The following PTPRG variants were observed in gnomAD, a reference collection of about 807,000 sequenced individuals.
PTPRG encodes the protein protein tyrosine phosphatase receptor type G, also known as receptor-type tyrosine-protein phosphatase gamma.
A neutral mutation model predicts 165.3 loss-of-function variants in PTPRG; 102 were observed. The observed-to-expected ratio is 0.62, with a 90% CI of 0.53 to 0.73. PTPRG has a LOEUF of 0.73. PTPRG is among the 30% of genes least tolerant of loss of function. The pLI is 0.00. For missense variants in PTPRG, 1,866 were observed against 1,861.4 expected, an observed-to-expected ratio of 1.00 and a Z score of -0.05; for synonymous variants, 675 against 669.5, an observed-to-expected ratio of 1.01 and a Z score of -0.13.
At position 62,213,186 on chromosome 3, in the gene PTPRG, G is replaced by C. The variant is rs183928390; in HGVS notation, c.2156-5665G>C. Among the ~76,000 whole-genome samples the C allele has an allele frequency of 1.3e-4, 20 of 152,286 alleles. No homozygotes were observed. Among genetic ancestry groups the C allele is most frequent in the Non-Finnish European group, 2.6e-4 (18 of 68,024 alleles). ...AGCATCTAGTGTTACTAAACTGTCA[G>C]AATTGTTGTTTGGCTCCATTGAAGG... On this transcript the variant is annotated intron_variant, in intron 12 of 29. Coordinates refer to ENST00000474889, the MANE Select transcript of PTPRG (RefSeq NM_002841.4). This position sits in a 1 kb window ranked among gnomAD's most constrained non-coding sequence, Gnocchi z 4.4.
intron 19 of PTPRG, among the ~76,000 whole-genome samples, chr3:62,268,615 A>G (rs114663879): frequency 4.1e-4 from 63 of 152,278 alleles, no homozygotes; most frequent in African/African-American, 1.3e-3. Flanking sequence ...CCAAGTTACA[A>G]TAAGAAGAGT....
At chr3:61,742,495 T>C (rs1051686846) in intron 1 of PTPRG, 4 of 1,596,892 alleles carry the variant, frequency 2.5e-6, no homozygotes, top group African/African-American at 1.3e-5. Flanking sequence ...GCTCTCGATA[T>C]ATAAGGCCCG....
chr3:61,658,262 T>G (rs1250533200), intron 1 of PTPRG, among the ~76,000 whole-genome samples: 4 of 152,214 alleles, frequency 2.6e-5, no homozygotes, highest in African/African-American at 7.2e-5. Flanking sequence ...GATTCAGGAC[T>G]GGTCACACTG....
At position 62,213,164 on chromosome 3, in the gene PTPRG, A is replaced by G. The variant is rs1700407177; in HGVS notation, c.2156-5687A>G. On this transcript the variant is annotated intron_variant, in intron 12 of 29. Transcript: ENST00000474889. This position sits in a 1 kb window ranked among gnomAD's most constrained non-coding sequence, Gnocchi z 4.4. ...TGTGCTGCTCCTGACAGAGGGGAGC[A>G]TCTAGTGTTACTAAACTGTCAGAAT... 6.6e-6 allele frequency among the ~76,000 whole-genome samples: 1 copy of G among 152,226 alleles called. No individual in the cohort carries two copies. Among genetic ancestry groups the G allele is most frequent in the African/African-American group, 2.4e-5 (1 of 41,468 alleles).
chr3:61,786,459 G>A (rs1324266397), intron 2 of PTPRG, among the ~76,000 whole-genome samples: 3 of 152,102 alleles, frequency 2.0e-5, no homozygotes, highest in Non-Finnish European at 4.4e-5. Flanking sequence ...GCTAGTTATG[G>A]TTCTTTATCT....
intron 5 of PTPRG, among the ~76,000 whole-genome samples, chr3:62,101,031 T>C (rs560891216): frequency 6.6e-6 from 1 of 152,332 alleles, no homozygotes; most frequent in African/African-American, 2.4e-5. Context: ...AGAATCTCTT[T>C]CTTCTAGAAA....
intron 5 of PTPRG, among the ~76,000 whole-genome samples, chr3:62,109,593 G>A (rs377227472): frequency 6.6e-6 from 1 of 152,042 alleles, no homozygotes; most frequent in East Asian, 1.9e-4. Flanking sequence ...TTAATAGCTG[G>A]TGCAGCAGTG....
intron 4 of PTPRG, among the ~76,000 whole-genome samples, chr3:62,014,969 C>T (rs534544310): frequency 3.8e-4 from 58 of 152,296 alleles, no homozygotes; most frequent in Non-Finnish European, 7.5e-4. Flanking sequence ...GAGACATATT[C>T]TAGGGCTAAC....
At chr3:61,619,951 A>G (rs923769868) in intron 1 of PTPRG, among the ~76,000 whole-genome samples, 1 of 152,186 alleles carries the variant, frequency 6.6e-6, no homozygotes, top group African/African-American at 2.4e-5. Flanking sequence ...TCTTAATAAA[A>G]CACATCACAC....
intron 5 of PTPRG, among the ~76,000 whole-genome samples, chr3:62,119,444 G>T (rs949270170): frequency 1.3e-5 from 2 of 152,190 alleles, no homozygotes; most frequent in Non-Finnish European, 2.9e-5. Context: ...GAACAATGCG[G>T]GCAAAGGCCT....
chr3:61,955,494 G>C (rs2040008550), intron 2 of PTPRG, among the ~76,000 whole-genome samples: 1 of 152,150 alleles, frequency 6.6e-6, no homozygotes, highest in African/African-American at 2.4e-5. Flanking sequence ...AAATGTATGT[G>C]AATTAGGCTC....
intron 1 of PTPRG, among the ~76,000 whole-genome samples, chr3:61,733,469 C>G (rs1402253132): frequency 2.6e-5 from 3 of 117,262 alleles, no homozygotes; most frequent in Non-Finnish European, 5.2e-5. Flanking sequence ...AGCATTTATC[C>G]CAGAAAGCTC....
chr3:62,260,110 C>T (rs1234573390), intron 16 of PTPRG, among the ~76,000 whole-genome samples: 2 of 152,104 alleles, frequency 1.3e-5, no homozygotes, highest in East Asian at 1.9e-4. Context: ...GTTCTGTGTC[C>T]GACACTGTAC....
At chr3:62,124,210 A>G in intron 5 of PTPRG, 1 of 951,368 alleles carries the variant, frequency 1.1e-6, no homozygotes, top group East Asian at 2.4e-5. Context: ...TTATTCAGCC[A>G]CACAGTGCTT....
At chr3:62,099,902 G>A (rs1301024563) in intron 5 of PTPRG, among the ~76,000 whole-genome samples, 5 of 147,272 alleles carry the variant, frequency 3.4e-5, no homozygotes, top group African/African-American at 7.5e-5. Flanking sequence ...AGGTTCAAGC[G>A]ATTCTCCTGC....
chr3:62,040,706 T>G (rs1700100226), intron 4 of PTPRG, among the ~76,000 whole-genome samples: 1 of 152,218 alleles, frequency 6.6e-6, no homozygotes, highest in Admixed American at 6.5e-5. Flanking sequence ...CCTTCCAGAG[T>G]GCTTGGATTA....
At chr3:62,073,550 C>T (rs1701278870) in intron 4 of PTPRG, among the ~76,000 whole-genome samples, 2 of 151,980 alleles carry the variant, frequency 1.3e-5, no homozygotes, top group South Asian at 4.2e-4. Context: ...GCAATCTCGG[C>T]TCACCACAAC....
intron 2 of PTPRG, among the ~76,000 whole-genome samples, chr3:61,758,747 AT>A (rs771007628): frequency 7.9e-5 from 12 of 151,964 alleles, no homozygotes; most frequent in Non-Finnish European, 1.3e-4. Context: ...TGTTGAAATT[AT>A]CAATTTGAGT....
At chr3:62,000,186 C>A (rs935125025) in intron 3 of PTPRG, among the ~76,000 whole-genome samples, 2 of 150,042 alleles carry the variant, frequency 1.3e-5, no homozygotes, top group South Asian at 2.1e-4. Flanking sequence ...GACACTGAGG[C>A]AGGAGAATCA....
Sources: gnomAD v4.1 joint callset for allele counts (sites outside exome capture counted in the v4.1 genomes callset) on GRCh38, gnomAD v4.1.1 for gene constraint, Gnocchi (gnomAD v3.1) non-coding constraint, MANE v1.5 for transcripts, NCBI Gene and HGNC (gene_info 2026-07-23, HGNC 2026-07-21) for gene names.